The following CRACD variants were observed in gnomAD, a reference collection of about 807,000 sequenced individuals.
CRACD encodes capping protein inhibiting regulator of actin dynamics.
In CRACD, 56 loss-of-function variants were observed where a neutral mutation model predicts 106.8. That is an observed-to-expected ratio of 0.52 (90% CI 0.42 to 0.66). CRACD has a LOEUF of 0.66. Among genes scored for constraint, CRACD ranks in the 30% least tolerant of loss-of-function variants. The pLI is 0.00. For missense variants in CRACD, 1,730 were observed against 1,623.2 expected (o/e 1.07, Z -1.13); for synonymous variants, 754 against 670.8 (o/e 1.12, Z -1.92).
chr4:56,073,861 A>G (rs1732748379), intron 1 of CRACD, among the ~76,000 whole-genome samples: 1 of 152,182 alleles, frequency 6.6e-6, no homozygotes, highest in Non-Finnish European at 1.5e-5. Flanking sequence ...TCTTTAATCC[A>G]TCTTGAGTTA....
intron 2 of CRACD, among the ~76,000 whole-genome samples, chr4:56,243,880 C>T: frequency 7.4e-6 from 1 of 134,998 alleles, no homozygotes; most frequent in South Asian, 2.5e-4. Flanking sequence ...TTCCTTCTAA[C>T]TATTTTTTTG....
chr4:56,295,578 G>A (rs1172129952), intron 3 of CRACD, among the ~76,000 whole-genome samples: 1 of 150,464 alleles, frequency 6.6e-6, no homozygotes. Context: ...TCATGACGCA[G>A]TCAAGGTTGA....
intron 3 of CRACD, among the ~76,000 whole-genome samples, chr4:56,295,776 C>T (rs1743985189): frequency 6.8e-6 from 1 of 147,818 alleles, no homozygotes; most frequent in Non-Finnish European, 1.5e-5. Context: ...TGAGTCATAA[C>T]CAGGGATCTG....
intron 10 of CRACD, among the ~76,000 whole-genome samples, chr4:56,325,766 A>G (rs1391441196): frequency 7.2e-5 from 11 of 152,168 alleles, no homozygotes; most frequent in Non-Finnish European, 1.5e-5. Context: ...AGGCTCCACT[A>G]TTCCCCAAAG....
At chr4:56,133,590 A>G (rs767605522) in intron 1 of CRACD, among the ~76,000 whole-genome samples, 1 of 152,222 alleles carries the variant, frequency 6.6e-6, no homozygotes, top group Non-Finnish European at 1.5e-5. Flanking sequence ...GAAGAGATAC[A>G]CTAGTTAACA....
chr4:56,164,906 G>T, intron 1 of CRACD, among the ~76,000 whole-genome samples: 1 of 152,108 alleles, frequency 6.6e-6, no homozygotes, highest in East Asian at 1.9e-4. Context: ...AATGCAATTT[G>T]GTTCAGAGTC....
intron 2 of CRACD, among the ~76,000 whole-genome samples, chr4:56,261,684 C>A (rs893716781): frequency 2.0e-5 from 3 of 152,004 alleles, no homozygotes; most frequent in Admixed American, 6.6e-5. Context: ...TTTTATTTCT[C>A]CTGTGAACTG....
At chr4:56,145,690 C>T (rs1735355190) in intron 1 of CRACD, among the ~76,000 whole-genome samples, 1 of 152,106 alleles carries the variant, frequency 6.6e-6, no homozygotes, top group African/African-American at 2.4e-5. Context: ...CAGCTCACTG[C>T]AACCTCCATC....
At chr4:56,202,818 G>T (rs990051608) in intron 2 of CRACD, among the ~76,000 whole-genome samples, 2 of 151,850 alleles carry the variant, frequency 1.3e-5, no homozygotes, top group Non-Finnish European at 2.9e-5. Context: ...AAAGAAATAG[G>T]AATATAAAGA....
Position 56,272,302 on chromosome 4 carries a change from T to C in CRACD, c.-188-19T>C, listed in dbSNP as rs1408844217. ...CAGCCCTGCCACACTGCAGCATGTGTTTGTTTTACAATCCACAGACAAGAA... is the reference window on the plus strand; with the variant it reads ...CAGCCCTGCCACACTGCAGCATGTGCTTGTTTTACAATCCACAGACAAGAA... On this transcript the variant is annotated intron_variant, in intron 2 of 10. Coordinates refer to ENST00000682029, the MANE Select transcript of CRACD (RefSeq NM_001393381.1). 1.3e-5 allele frequency: 2 copies of C among 153,652 alleles called. No individual in the cohort carries two copies. The highest frequency in any genetic ancestry group is 4.8e-5 in the African/African-American group (2 of 41,580). The allele number at this position is 153,652 out of a possible 1,614,324, so 9.5% of individuals were successfully genotyped here. A position where few individuals can be genotyped will look rare whatever the true frequency, so the allele number is the denominator to read the frequency against.
At chr4:56,253,907 T>C (rs1252841803) in intron 2 of CRACD, among the ~76,000 whole-genome samples, 1 of 152,204 alleles carries the variant, frequency 6.6e-6, no homozygotes, top group Non-Finnish European at 1.5e-5. Context: ...TGGGTTTTTT[T>C]CCTTTACTCC....
chr4:56,137,408 C>G (rs923032068), intron 1 of CRACD, among the ~76,000 whole-genome samples: 1 of 152,056 alleles, frequency 6.6e-6, no homozygotes, highest in African/African-American at 2.4e-5. Flanking sequence ...AAAATAGTAA[C>G]AATAAATTAT....
chr4:56,238,688 A>G (rs147950835), intron 2 of CRACD, among the ~76,000 whole-genome samples: 6 of 152,350 alleles, frequency 3.9e-5, no homozygotes, highest in Non-Finnish European at 5.9e-5. Context: ...AGTGATGAAA[A>G]TAATTCTTCC....
intron 1 of CRACD, among the ~76,000 whole-genome samples, chr4:56,059,075 A>T (rs1052351466): frequency 6.6e-6 from 1 of 152,158 alleles, no homozygotes; most frequent in African/African-American, 2.4e-5. Context: ...ATAAAGCAAG[A>T]CAGCAATCTC....
chr4:56,162,308 C>T (rs1447651902), intron 1 of CRACD, among the ~76,000 whole-genome samples: 8 of 152,094 alleles, frequency 5.3e-5, no homozygotes, highest in African/African-American at 1.9e-4. Flanking sequence ...GATTCTCCCG[C>T]CTCACCCTCC....
chr4:56,285,972 C>A (rs781407408), intron 3 of CRACD, among the ~76,000 whole-genome samples: 38 of 152,112 alleles, frequency 2.5e-4, no homozygotes, highest in Non-Finnish European at 2.4e-4. Context: ...TTTCATAGAG[C>A]CAGAGTACTT....
chr4:56,141,103 A>G (rs534990105), intron 1 of CRACD, among the ~76,000 whole-genome samples: 2 of 152,330 alleles, frequency 1.3e-5, no homozygotes, highest in South Asian at 4.1e-4. Flanking sequence ...GCTTCTCTTC[A>G]GTGTTCTGCC....
At chr4:56,305,248 G>C (rs938403293) in intron 4 of CRACD, among the ~76,000 whole-genome samples, 1 of 152,148 alleles carries the variant, frequency 6.6e-6, no homozygotes, top group Non-Finnish European at 1.5e-5. Context: ...CCTTTCCACT[G>C]TAAGCACAAG....
At chr4:56,086,604 T>C (rs1459744910) in intron 1 of CRACD, among the ~76,000 whole-genome samples, 1 of 152,116 alleles carries the variant, frequency 6.6e-6, no homozygotes, top group Non-Finnish European at 1.5e-5. Flanking sequence ...CCTCATCTAA[T>C]CCATGCAAAT....
Sources: allele counts gnomAD v4.1 joint callset (sites outside exome capture counted in the v4.1 genomes callset), GRCh38; gene constraint gnomAD v4.1.1; transcripts MANE v1.5; gene names NCBI Gene and HGNC (gene_info 2026-07-23, HGNC 2026-07-21).